The following ATF7 variants were observed in gnomAD, a reference collection of about 807,000 sequenced individuals.
The protein encoded by ATF7 is cyclic AMP-dependent transcription factor ATF-7.
A neutral mutation model predicts 50.4 loss-of-function variants in ATF7; 10 were observed. That is an observed-to-expected ratio of 0.20 (90% CI 0.12 to 0.34). ATF7 has a LOEUF of 0.34. Ranked by LOEUF, ATF7 falls within the 10% of genes least tolerant of loss-of-function variation. The probability of loss-of-function intolerance (pLI) is 1.00; values close to 1 mark genes in which losing one functional copy is unlikely to be tolerated. For synonymous variants in ATF7, 201 were observed against 226.4 expected, an observed-to-expected ratio of 0.89 and a Z score of 1.01; for missense variants, 465 against 613.9, an observed-to-expected ratio of 0.76 and a Z score of 2.56.
intron 3 of ATF7, among the ~76,000 whole-genome samples, chr12:53,548,696 A>T (rs1013351842): frequency 1.3e-5 from 2 of 152,236 alleles, no homozygotes; most frequent in African/African-American, 2.4e-5. Flanking sequence ...GTGTACAAAA[A>T]TAAGTACTTT....
At position 53,524,338 on chromosome 12, in the gene ATF7, G is replaced by A. The variant is rs726731; in HGVS notation, c.1125+226C>T. On this transcript the variant is annotated intron_variant, in intron 10 of 11. Coordinates refer to ENST00000420353, the MANE Select transcript of ATF7 (RefSeq NM_006856.3). The surrounding 1 kb of genome is among the most constrained non-coding windows in gnomAD (Gnocchi z 4.6). The stretch of plus-strand genomic sequence containing the variant: ...TAATCTAATTCCTTCATCCAAATGC[G>A]TTTAAGGATGACTCTAATAGGAGAT... Among the ~76,000 whole-genome samples, 10,141 of 152,192 alleles carry A rather than the reference G, an allele frequency of 0.067. 495 individuals are homozygous for A. The highest frequency in any genetic ancestry group is 0.19 in the East Asian group (977 of 5,178).
At chr12:53,616,953 A>C (rs1221492817) in intron 1 of ATF7, among the ~76,000 whole-genome samples, 2 of 151,974 alleles carry the variant, frequency 1.3e-5, no homozygotes, top group East Asian at 3.9e-4. Flanking sequence ...TCCAAAAAAA[A>C]AAAAAAAAAG....
chr12:53,594,995 G>C (rs568652141), intron 2 of ATF7, among the ~76,000 whole-genome samples: 2 of 152,078 alleles, frequency 1.3e-5, no homozygotes, highest in East Asian at 3.9e-4. Flanking sequence ...AGAGTGAACT[G>C]AAAGTTACTG....
intron 1 of ATF7, among the ~76,000 whole-genome samples, chr12:53,607,090 G>T (rs1311415559): frequency 6.6e-6 from 1 of 152,130 alleles, no homozygotes; most frequent in Non-Finnish European, 1.5e-5. Flanking sequence ...TAATGGGATG[G>T]CTGGGTCAAA....
At chr12:53,531,422 CAA>C (rs541415026) in intron 9 of ATF7, among the ~76,000 whole-genome samples, 17 of 61,786 alleles carry the variant, frequency 2.8e-4, no homozygotes, top group Admixed American at 3.9e-4. Context: ...AACTCCATCT[CAA>C]AAAAAAAAAA....
At chr12:53,563,205 C>T (rs1406599599) in intron 2 of ATF7, among the ~76,000 whole-genome samples, 1 of 152,110 alleles carries the variant, frequency 6.6e-6, no homozygotes, top group Non-Finnish European at 1.5e-5. Context: ...TCTAATGACT[C>T]CAATCTTCAG....
chr12:53,516,738 G>A lies in ATF7; in HGVS notation c.*399C>T, dbSNP rs1276608036. On this transcript the variant is annotated 3_prime_UTR_variant, in exon 12 of 12. Transcript: ENST00000420353. ...TGGCAGGAAGTGGCATGCTGGTAAG[G>A]AACAAAAAGGTAACAGCCACGGCTT... The A allele has an allele frequency of 2.5e-5, 5 of 202,476 alleles. No homozygotes were observed. The highest frequency in any genetic ancestry group is 4.2e-5 in the Non-Finnish European group (4 of 96,040). 12.5% of individuals were successfully genotyped at this position (202,476 alleles called of 1,614,324 possible). A position where few individuals can be genotyped will look rare whatever the true frequency, so the allele number is the denominator to read the frequency against.
chr12:53,568,706 C>T (rs915047757), intron 2 of ATF7, among the ~76,000 whole-genome samples: 1 of 152,130 alleles, frequency 6.6e-6, no homozygotes, highest in African/African-American at 2.4e-5. Flanking sequence ...TGTGTCTAAC[C>T]AGGAAAGCTC....
At chr12:53,576,885 G>A (rs928134349) in intron 2 of ATF7, among the ~76,000 whole-genome samples, 6 of 151,866 alleles carry the variant, frequency 4.0e-5, no homozygotes, top group Non-Finnish European at 7.4e-5. Flanking sequence ...TGAAACCCCC[G>A]TCTCTACTAA....
chr12:53,517,385 C>A (rs1341343048), intron 11 of ATF7, 31 bp from the exon 12 acceptor site: 2 of 1,587,578 alleles, frequency 1.3e-6, no homozygotes, highest in Non-Finnish European at 1.7e-6. Context: ...GAGCAGAGAG[C>A]AATTGGTTAG....
At chr12:53,602,245 G>T (rs1943434716) in intron 1 of ATF7, among the ~76,000 whole-genome samples, 1 of 152,176 alleles carries the variant, frequency 6.6e-6, no homozygotes, top group Non-Finnish European at 1.5e-5. Flanking sequence ...ATTTGAATAT[G>T]CCTGCAAGTG....
rs1944222535 is a variant in ATF7 at position 53,514,309 on chromosome 12, A to G, written c.*2828T>C. The G allele has an allele frequency of 6.6e-6, 1 of 152,092 alleles. No homozygotes were observed. Among genetic ancestry groups the G allele is most frequent in the Admixed American group, 6.6e-5 (1 of 15,254 alleles). The allele number at this position is 152,092 out of a possible 1,614,324, so 9.4% of individuals were successfully genotyped here. A position where few individuals can be genotyped will look rare whatever the true frequency, so the allele number is the denominator to read the frequency against. On this transcript the variant is annotated 3_prime_UTR_variant, in exon 12 of 12. Transcript: ENST00000420353. ...GTATTCACATGAACGAATTCAGGAC[A>G]CCCACCATACACTCAGCTCCTTTCT...
chr12:53,595,617 T>C (rs1943120429), intron 2 of ATF7, among the ~76,000 whole-genome samples: 1 of 152,190 alleles, frequency 6.6e-6, no homozygotes, highest in Non-Finnish European at 1.5e-5. Flanking sequence ...TAAGGGATAA[T>C]GTTCATGGAG....
chr12:53,568,417 C>G (rs1255683615), intron 2 of ATF7, among the ~76,000 whole-genome samples: 1 of 151,016 alleles, frequency 6.6e-6, no homozygotes, highest in Non-Finnish European at 1.5e-5. Context: ...CTCTCTCTTT[C>G]TCTCTCTCTC....
chr12:53,541,175 T>C (rs894773989), intron 4 of ATF7, among the ~76,000 whole-genome samples: 2 of 152,236 alleles, frequency 1.3e-5, no homozygotes, highest in African/African-American at 4.8e-5. Flanking sequence ...ATAACTATCT[T>C]GATTTACCTG....
chr12:53,580,519 C>A (rs1287388720), intron 2 of ATF7, among the ~76,000 whole-genome samples: 4 of 150,946 alleles, frequency 2.6e-5, no homozygotes, highest in African/African-American at 7.3e-5. Context: ...AAAAAATTAG[C>A]TGGGCGTGGT....
chr12:53,523,454 C>T, intron 10 of ATF7, 70 bp from the exon 11 acceptor site: 2 of 1,146,364 alleles, frequency 1.7e-6, no homozygotes, highest in Non-Finnish European at 2.6e-6. Flanking sequence ...AGTGGCTGTT[C>T]CCAAAGGAAG....
intron 2 of ATF7, among the ~76,000 whole-genome samples, chr12:53,567,989 A>G (rs1476141187): frequency 6.6e-6 from 1 of 152,198 alleles, no homozygotes; most frequent in Non-Finnish European, 1.5e-5. Flanking sequence ...CTAATTTGCT[A>G]CACATTAAGT....
chr12:53,533,653 G>A (rs1331321379), intron 6 of ATF7, among the ~76,000 whole-genome samples: 1 of 152,108 alleles, frequency 6.6e-6, no homozygotes, highest in African/African-American at 2.4e-5. Context: ...TCTTTCCATG[G>A]CTTGCTCTAC....
Sources: allele counts gnomAD v4.1 joint callset (sites outside exome capture counted in the v4.1 genomes callset), GRCh38; gene constraint gnomAD v4.1.1; non-coding constraint Gnocchi (gnomAD v3.1); transcripts MANE v1.5; gene names NCBI Gene and HGNC (gene_info 2026-07-23, HGNC 2026-07-21).